The following GIPC2 variants were observed in gnomAD, a reference collection of about 807,000 sequenced individuals.
GIPC2 encodes GIPC PDZ domain containing family member 2.
A neutral mutation model predicts 30.6 loss-of-function variants in GIPC2; 30 were observed. The ratio of observed to expected loss-of-function variants is 0.98; its 90% CI spans 0.73 to 1.33. The LOEUF is 1.33. GIPC2 is among the 40% of genes most tolerant of loss of function. GIPC2 has a pLI of 0.00. For synonymous variants in GIPC2, 167 were observed against 150.0 expected, an observed-to-expected ratio of 1.11 and a Z score of -0.83; for missense variants, 414 against 390.3, an observed-to-expected ratio of 1.06 and a Z score of -0.51.
chr1:78,135,077 C>T (rs1662975051), intron 5 of GIPC2, among the ~76,000 whole-genome samples: 1 of 152,196 alleles, frequency 6.6e-6, no homozygotes, highest in Non-Finnish European at 1.5e-5. Flanking sequence ...CAGATGTCTT[C>T]CTCTGCTTCT....
At chr1:78,109,351 CT>C (rs1270315616) in intron 3 of GIPC2, among the ~76,000 whole-genome samples, 12 of 152,202 alleles carry the variant, frequency 7.9e-5, no homozygotes, top group Non-Finnish European at 1.5e-4. Context: ...CGCAGTGATC[CT>C]TAAATGACCA....
chr1:78,074,751 G>A (rs1190384483), intron 1 of GIPC2, among the ~76,000 whole-genome samples: 1 of 151,922 alleles, frequency 6.6e-6, no homozygotes, highest in Non-Finnish European at 1.5e-5. Flanking sequence ...CCAGTCTATC[G>A]ATTTATTTAT....
chr1:78,130,914 T>C (rs1004903843), intron 5 of GIPC2, among the ~76,000 whole-genome samples: 2 of 152,210 alleles, frequency 1.3e-5, no homozygotes, highest in East Asian at 1.9e-4. Context: ...TTAATAATAA[T>C]GTAAATGTAG....
chr1:78,104,897 C>A (rs1039161606), intron 3 of GIPC2, among the ~76,000 whole-genome samples: 2 of 152,180 alleles, frequency 1.3e-5, no homozygotes, highest in African/African-American at 4.8e-5. Context: ...TTTTGAGGGG[C>A]AGAGCATACT....
chr1:78,101,719 T>A (rs1411952130), intron 3 of GIPC2, among the ~76,000 whole-genome samples: 3 of 152,186 alleles, frequency 2.0e-5, no homozygotes, highest in African/African-American at 7.2e-5. Context: ...CCAGTCCTTA[T>A]CAAGTATCGG....
intron 2 of GIPC2, chr1:78,091,503 CTCCCAAAG>C: frequency 1.4e-6 from 1 of 717,772 alleles, no homozygotes; most frequent in South Asian, 1.5e-5. Context: ...GCGCTAATGG[CTCCCAAAG>C]GCAGCTCCAA....
intron 3 of GIPC2, among the ~76,000 whole-genome samples, chr1:78,101,518 G>C (rs995671019): frequency 6.6e-6 from 1 of 152,190 alleles, no homozygotes; most frequent in Non-Finnish European, 1.5e-5. Flanking sequence ...TATGGGTCAT[G>C]ATATAACGTA....
intron 3 of GIPC2, among the ~76,000 whole-genome samples, chr1:78,106,918 C>T (rs1662364212): frequency 6.6e-6 from 1 of 152,094 alleles, no homozygotes; most frequent in Admixed American, 6.5e-5. Context: ...TCAGGTGATC[C>T]ACCTGCCTCG....
At chr1:78,096,041 A>T (rs1557541185) in intron 3 of GIPC2, among the ~76,000 whole-genome samples, 1 of 152,132 alleles carries the variant, frequency 6.6e-6, no homozygotes, top group African/African-American at 2.4e-5. Flanking sequence ...TGGAATTAGA[A>T]TTTTTTCTCT....
chr1:78,125,755 T>G, intron 4 of GIPC2, 126 bp from the exon 5 acceptor site: 1 of 615,140 alleles, frequency 1.6e-6, no homozygotes, highest in Non-Finnish European at 3.0e-6. Flanking sequence ...TCTAGATCTA[T>G]TTCCATTAAA....
chr1:78,106,100 T>C (rs950352589), intron 3 of GIPC2, among the ~76,000 whole-genome samples: 3 of 151,716 alleles, frequency 2.0e-5, no homozygotes, highest in Non-Finnish European at 1.5e-5. Flanking sequence ...CCGGGCATAG[T>C]GGCAGTCTCC....
intron 3 of GIPC2, among the ~76,000 whole-genome samples, chr1:78,105,530 C>A (rs1662330902): frequency 6.6e-6 from 1 of 152,120 alleles, no homozygotes; most frequent in Non-Finnish European, 1.5e-5. Flanking sequence ...TCGTGATCCG[C>A]CCACCTCGGC....
intron 5 of GIPC2, among the ~76,000 whole-genome samples, chr1:78,129,032 GA>G (rs59465363): frequency 1.0e-4 from 11 of 107,468 alleles, no homozygotes; most frequent in African/African-American, 1.5e-4. Flanking sequence ...ATAAATAAAT[GA>G]AAAAAAAAAG....
At chr1:78,106,787 T>C (rs908508899) in intron 3 of GIPC2, among the ~76,000 whole-genome samples, 2 of 152,114 alleles carry the variant, frequency 1.3e-5, no homozygotes, top group African/African-American at 4.8e-5. Context: ...TTCAAGTGAT[T>C]CTCCTGCTTC....
At chr1:78,076,560 T>G (rs2100337341) in intron 1 of GIPC2, among the ~76,000 whole-genome samples, 1 of 152,216 alleles carries the variant, frequency 6.6e-6, no homozygotes, top group African/African-American at 2.4e-5. Flanking sequence ...GGGTTCATGC[T>G]CCTATGAGAG....
intron 3 of GIPC2, among the ~76,000 whole-genome samples, chr1:78,102,195 ATCT>A (rs962481325): frequency 6.6e-6 from 1 of 152,198 alleles, no homozygotes; most frequent in Non-Finnish European, 1.5e-5. Flanking sequence ...ATTGGGTTAT[ATCT>A]TCTTTTAGAA....
At chr1:78,091,564 C>A (rs1662039634) in intron 2 of GIPC2, 10 of 756,898 alleles carry the variant, frequency 1.3e-5, no homozygotes, top group South Asian at 1.1e-4. Context: ...ATTTCAGCGG[C>A]AACCTCTCGG....
Position 78,060,878 on chromosome 1 carries a change from G to T in GIPC2, c.240+14544G>T, listed in dbSNP as rs1448560157. Among the ~76,000 whole-genome samples the T allele has an allele frequency of 3.3e-5, 5 of 150,500 alleles. No homozygotes were observed. The East Asian group carries it at 1.0e-3, about 30-fold the overall frequency. On this transcript the variant is annotated intron_variant, in intron 1 of 5. Coordinates refer to ENST00000370759, the MANE Select transcript of GIPC2 (RefSeq NM_017655.6). The stretch of plus-strand genomic sequence containing the variant: ...ATAAACATTCATATCTGTGTGGGGG[G>T]TATATCCCCCCACTTTATCTTCTTT...
chr1:78,051,802 G>T (rs185013587), intron 1 of GIPC2, among the ~76,000 whole-genome samples: 1 of 152,170 alleles, frequency 6.6e-6, no homozygotes, highest in African/African-American at 2.4e-5. Flanking sequence ...GCGTAGAATT[G>T]TGATTTTTAA....
Sources: allele counts gnomAD v4.1 joint callset (sites outside exome capture counted in the v4.1 genomes callset), GRCh38; gene constraint gnomAD v4.1.1; transcripts MANE v1.5; gene names NCBI Gene and HGNC (gene_info 2026-07-23, HGNC 2026-07-21).